STX7: variants seen among roughly 807,000 people sequenced by gnomAD.
STX7 encodes syntaxin-7.
Under a neutral mutation model 39.6 loss-of-function variants are expected in STX7, and 34 were observed. That is an observed-to-expected ratio of 0.86 (90% CI 0.65 to 1.14). STX7 has a LOEUF of 1.14. Ranked by LOEUF, STX7 falls within the 50% of genes most tolerant of loss-of-function variation. The pLI, the probability that STX7 is intolerant of heterozygous loss-of-function variation, is 0.00. For missense variants in STX7, 284 were observed against 310.4 expected, an observed-to-expected ratio of 0.92 and a Z score of 0.64; for synonymous variants, 119 against 99.1, an observed-to-expected ratio of 1.20 and a Z score of -1.19.
Position 132,458,833 on chromosome 6 carries a change from G to T in STX7, c.*1925C>A, listed in dbSNP as rs1774315618. ...GTTTAAACCACTGATAACTGCCCCA[G>T]TTAAAATAATAATAATTTAAAATGA... On this transcript the variant is annotated 3_prime_UTR_variant, in exon 10 of 10. Transcript: ENST00000367941. The T allele has an allele frequency of 6.6e-6, 1 of 152,082 alleles. No homozygotes were observed. The highest frequency in any genetic ancestry group is 1.5e-5 in the Non-Finnish European group (1 of 68,014). The allele number at this position is 152,082 out of a possible 1,614,324, so 9.4% of individuals were successfully genotyped here. A position where few individuals can be genotyped will look rare whatever the true frequency, so the allele number is the denominator to read the frequency against.
rs1232794482 is a variant in STX7, at chr6:132,450,652, T to C, written c.*10106A>G. 1 of 152,064 alleles carries C rather than the reference T, an allele frequency of 6.6e-6. No homozygotes were observed. Among genetic ancestry groups the C allele is most frequent in the Non-Finnish European group, 1.5e-5 (1 of 68,010 alleles). The allele number at this position is 152,064 out of a possible 1,614,324, so 9.4% of individuals were successfully genotyped here. A position where few individuals can be genotyped will look rare whatever the true frequency, so the allele number is the denominator to read the frequency against. On this transcript the variant is annotated 3_prime_UTR_variant, in exon 10 of 10. Transcript: ENST00000367941. Reference sequence around the variant, plus strand: ...GAATCAATATGAAACACTTAATTGATAGGCTCAATAGCAGAATGGAAGCTA... The same window carrying C: ...GAATCAATATGAAACACTTAATTGACAGGCTCAATAGCAGAATGGAAGCTA...
At chr6:132,512,181 C>T (rs1379234599) in intron 1 of STX7, among the ~76,000 whole-genome samples, 1 of 152,114 alleles carries the variant, frequency 6.6e-6, no homozygotes, top group Non-Finnish European at 1.5e-5. Flanking sequence ...TTCTTTTCTT[C>T]CAGATTCTGG....
At chr6:132,501,105 G>A (rs1054137500) in intron 2 of STX7, among the ~76,000 whole-genome samples, 5 of 150,722 alleles carry the variant, frequency 3.3e-5, no homozygotes, top group African/African-American at 1.2e-4. Context: ...TGTTGCCCAG[G>A]CTGGAGTTCA....
chr6:132,476,189 A>C (rs371206833), intron 2 of STX7, among the ~76,000 whole-genome samples: 101 of 152,330 alleles, frequency 6.6e-4, no homozygotes, highest in African/African-American at 2.4e-3. Flanking sequence ...AGATGACATT[A>C]ATTACAAAAG....
intron 8 of STX7, among the ~76,000 whole-genome samples, chr6:132,465,388 T>C (rs1050738095): frequency 1.3e-5 from 2 of 152,176 alleles, no homozygotes; most frequent in Admixed American, 6.5e-5. Context: ...ATATGGCATG[T>C]CCTCACTTCC....
chr6:132,471,734 A>C, intron 4 of STX7, 134 bp from the exon 5 acceptor site: 7 of 985,162 alleles, frequency 7.1e-6, no homozygotes, highest in Non-Finnish European at 8.8e-6. Context: ...ATTAACTCTC[A>C]GTAACATTCT....
At chr6:132,480,937 T>C (rs1225335834) in intron 2 of STX7, among the ~76,000 whole-genome samples, 1 of 152,194 alleles carries the variant, frequency 6.6e-6, no homozygotes, top group Non-Finnish European at 1.5e-5. Flanking sequence ...CTGTTATATA[T>C]AGAATGTACC....
At chr6:132,465,957 G>A (rs1422279032) in intron 8 of STX7, among the ~76,000 whole-genome samples, 1 of 152,068 alleles carries the variant, frequency 6.6e-6, no homozygotes, top group Non-Finnish European at 1.5e-5. Context: ...TCCCATAGCT[G>A]CCATCTTAAA....
chr6:132,466,203 G>A (rs1774560471), intron 8 of STX7, among the ~76,000 whole-genome samples: 1 of 152,174 alleles, frequency 6.6e-6, no homozygotes. Context: ...AAATCCAGTA[G>A]TCAAATCTTA....
At chr6:132,460,877 CA>C (rs780695097) in intron 9 of STX7, 27 bp from the exon 10 acceptor site, 3 of 1,589,528 alleles carry the variant, frequency 1.9e-6, no homozygotes, top group Non-Finnish European at 1.7e-6. Flanking sequence ...CAAAACAAAA[CA>C]AAAAAACATG....
Position 132,475,588 on chromosome 6 carries a change from C to G in STX7, c.155+5G>C. 6.3e-7 allele frequency: 1 copy of G among 1,593,246 alleles called. No homozygotes were observed. Among genetic ancestry groups the G allele is most frequent in the Non-Finnish European group, 8.6e-7 (1 of 1,168,542 alleles). On this transcript the variant is annotated splice_donor_5th_base_variant and intron_variant, in intron 3 of 9. Coordinates refer to ENST00000367941, the MANE Select transcript of STX7 (RefSeq NM_003569.3). ...TCTCTTTTATTTATTTAACTAGATA[C>G]TTACAACTGTTGCCTCAATTCAGGT...
intron 2 of STX7, among the ~76,000 whole-genome samples, chr6:132,492,966 C>A (rs1294100655): frequency 6.6e-6 from 1 of 152,158 alleles, no homozygotes; most frequent in Non-Finnish European, 1.5e-5. Context: ...TGGGTATTCA[C>A]AAATAAGCAG....
chr6:132,471,509 C>T lies in STX7; in HGVS notation c.341G>A (p.Arg114Gln), dbSNP rs773552054. The T allele has an allele frequency of 5.0e-6, 8 of 1,613,898 alleles. No individual in the cohort carries two copies. The highest frequency in any genetic ancestry group is 1.3e-5 in the African/African-American group (1 of 74,934). Residue 114 changes from arginine (R) to glutamine (Q), a missense_variant, in exon 5 of 10, where the codon CGA (arginine) becomes CAA (glutamine). Transcript: ENST00000367941. ...FQKVQRQAAEREKEFVARVRA... is the reference protein window; with the variant it reads ...FQKVQRQAAEQEKEFVARVRA... ...TACTCGAGCAACAAACTCTTTCTCT[C>T]GCTCAGCAGCCTGCCTCTGGACCTT...
chr6:132,480,129 A>C (rs1774980639), intron 2 of STX7, among the ~76,000 whole-genome samples: 1 of 152,104 alleles, frequency 6.6e-6, no homozygotes, highest in Admixed American at 6.5e-5. Context: ...TATTAGTCAC[A>C]ATCAAGGTGT....
intron 2 of STX7, among the ~76,000 whole-genome samples, chr6:132,496,392 C>A (rs1308205825): frequency 6.6e-6 from 1 of 152,050 alleles, no homozygotes; most frequent in South Asian, 2.1e-4. Flanking sequence ...TTCTATTCAC[C>A]AATTTCCTTC....
intron 2 of STX7, among the ~76,000 whole-genome samples, chr6:132,478,224 C>CT (rs1336842453): frequency 6.6e-6 from 1 of 151,784 alleles, no homozygotes; most frequent in Non-Finnish European, 1.5e-5. Flanking sequence ...AGAATAGGAA[C>CT]TTTAATATTC....
intron 2 of STX7, among the ~76,000 whole-genome samples, chr6:132,492,249 A>G (rs1288175911): frequency 6.6e-6 from 1 of 152,060 alleles, no homozygotes; most frequent in African/African-American, 2.4e-5. Context: ...CTTCCTTCAA[A>G]TATGTGCTCA....
At chr6:132,504,180 A>T (rs1270812125) in intron 1 of STX7, among the ~76,000 whole-genome samples, 1 of 151,410 alleles carries the variant, frequency 6.6e-6, no homozygotes, top group Non-Finnish European at 1.5e-5. Flanking sequence ...CTAATTTAAC[A>T]CACACACAGG....
At chr6:132,463,876 A>T in intron 9 of STX7, 117 bp downstream of exon 9, 1 of 951,340 alleles carries the variant, frequency 1.1e-6, no homozygotes, top group Non-Finnish European at 1.7e-6. Context: ...ATGGGATTTT[A>T]AATTTTAACA....
Sources: allele counts gnomAD v4.1 joint callset (sites outside exome capture counted in the v4.1 genomes callset), GRCh38; gene constraint gnomAD v4.1.1; transcripts MANE v1.5; gene names NCBI Gene and HGNC (gene_info 2026-07-23, HGNC 2026-07-21).